GIPC3: variants seen among roughly 807,000 people sequenced by gnomAD.
GIPC3 encodes the protein GIPC PDZ domain containing family member 3.
A neutral mutation model predicts 27.3 loss-of-function variants in GIPC3; 16 were observed. That is an observed-to-expected ratio of 0.59 (90% CI 0.40 to 0.89). The LOEUF is 0.89. Among genes scored for constraint, GIPC3 ranks in the 40% least tolerant of loss-of-function variants. GIPC3 has a pLI of 0.00. For synonymous variants in GIPC3, 194 were observed against 184.6 expected, an observed-to-expected ratio of 1.05 and a Z score of -0.41; for missense variants, 440 against 442.1, an observed-to-expected ratio of 1.00 and a Z score of 0.04.
chr19:3,591,814 C>T lies in GIPC3; in HGVS notation c.*1624C>T. ...ATTCAGACCAGCTCTGGAACCCCAT[C>T]CATCTTGGAAGCAAGACCCAGCTCC... On this transcript the variant is annotated 3_prime_UTR_variant, in exon 6 of 6. Transcript: ENST00000644452. 8.1e-7 allele frequency: 1 copy of T among 1,233,674 alleles called. No individual in the cohort carries two copies. The highest frequency in any genetic ancestry group is 4.2e-5 in the Admixed American group (1 of 23,726). The allele number at this position is 1,233,674 out of a possible 1,614,324, so 76.4% of individuals were successfully genotyped here. A position where few individuals can be genotyped will look rare whatever the true frequency, so the allele number is the denominator to read the frequency against.
At chr19:3,586,461 C>G (rs978479128) in intron 1 of GIPC3, 34 bp from the exon 2 acceptor site, 15 of 1,603,424 alleles carry the variant, frequency 9.4e-6, no homozygotes, top group Admixed American at 1.7e-5. Context: ...GATGCATGCC[C>G]TGGCTAACTC....
chr19:3,587,288 T>C (rs1458027885), intron 3 of GIPC3, among the ~76,000 whole-genome samples: 7 of 151,926 alleles, frequency 4.6e-5, no homozygotes, highest in Non-Finnish European at 8.8e-5. Flanking sequence ...GTTTGTTTGT[T>C]TGTTTGTTTT....
chr19:3,591,219 C>A lies in GIPC3; in HGVS notation c.*1029C>A. ...AACTCAGGCCACCTCTGAGGCCAAA[C>A]CCAGCTCTAGAACCCAGATAAGATC... On this transcript the variant is annotated 3_prime_UTR_variant, in exon 6 of 6. Coordinates refer to ENST00000644452, the MANE Select transcript of GIPC3 (RefSeq NM_133261.3). 4 of 1,232,964 alleles carry A rather than the reference C, an allele frequency of 3.2e-6. No homozygotes were observed. Among genetic ancestry groups the A allele is most frequent in the African/African-American group, 1.5e-5 (1 of 64,536 alleles). 76.4% of individuals were successfully genotyped at this position (1,232,964 alleles called of 1,614,324 possible).
intron 3 of GIPC3, among the ~76,000 whole-genome samples, chr19:3,588,831 C>A (rs947984673): frequency 6.6e-6 from 1 of 151,762 alleles, no homozygotes; most frequent in Non-Finnish European, 1.5e-5. Flanking sequence ...GTAATCCCAG[C>A]TACTCGAGAG....
Position 3,585,675 on chromosome 19 carries a change from G to A in GIPC3, c.78G>A (p.Glu26=). ...CTGCGCCCCCGCCCGCGCCCTCGGA[G>A]CCCCCGGCCGCGCCCCGCGCCCGCC... is the stretch of plus-strand genomic sequence containing the variant. The part of the protein sequence containing the change: ...RASAPPPAPS[E]PPAAPRARPR... Residue 26 remains glutamate, a synonymous_variant, in exon 1 of 6, where the codon GAG becomes GAA. Coordinates refer to ENST00000644452, the MANE Select transcript of GIPC3 (RefSeq NM_133261.3). The A allele has an allele frequency of 7.5e-7, 1 of 1,329,164 alleles. No individual in the cohort carries two copies. Among genetic ancestry groups the A allele is most frequent in the Non-Finnish European group, 9.7e-7 (1 of 1,033,244 alleles). 82.3% of individuals were successfully genotyped at this position (1,329,164 alleles called of 1,614,324 possible). A position where few individuals can be genotyped will look rare whatever the true frequency, so the allele number is the denominator to read the frequency against.
chr19:3,589,362 C>A, intron 3 of GIPC3, 81 bp from the exon 4 acceptor site: 1 of 994,812 alleles, frequency 1.0e-6, no homozygotes, highest in Non-Finnish European at 1.6e-6. Flanking sequence ...TCTAGAAAGG[C>A]TCGGCTGTTG....
Position 3,590,266 on chromosome 19 carries a change from C to G in GIPC3, c.*76C>G. On this transcript the variant is annotated 3_prime_UTR_variant, in exon 6 of 6. Transcript: ENST00000644452. ...CCCCGGCCCTGCTCCAGAACCCAGC[C>G]CAGATCGGAGGACAAGTTCCTCTCT... 2 of 1,520,688 alleles carry G rather than the reference C, an allele frequency of 1.3e-6. No homozygotes were observed. Among genetic ancestry groups the G allele is most frequent in the East Asian group, 4.9e-5 (2 of 40,604 alleles). 94.2% of individuals were successfully genotyped at this position (1,520,688 alleles called of 1,614,324 possible).
At chr19:3,586,776 G>A (rs761450311) in intron 2 of GIPC3, 38 bp from the exon 3 acceptor site, 2 of 1,612,672 alleles carry the variant, frequency 1.2e-6, no homozygotes, top group East Asian at 2.2e-5. Flanking sequence ...GAGGCGGGTG[G>A]CTGGGGTTGC....
chr19:3,590,998 C>T lies in GIPC3; in HGVS notation c.*808C>T. ...TCTAGAGTCCAGGCCAGCTCCGAGA[C>T]CAAGCCCAGCTCTAGAACCCAGATA... is the stretch of plus-strand genomic sequence containing the variant. On this transcript the variant is annotated 3_prime_UTR_variant, in exon 6 of 6. Coordinates refer to ENST00000644452, the MANE Select transcript of GIPC3 (RefSeq NM_133261.3). 8.1e-7 allele frequency: 1 copy of T among 1,233,702 alleles called. No individual in the cohort carries two copies. Among genetic ancestry groups the T allele is most frequent in the East Asian group, 3.2e-5 (1 of 31,742 alleles). 76.4% of individuals were successfully genotyped at this position (1,233,702 alleles called of 1,614,324 possible).
chr19:3,587,989 G>A (rs1280244249), intron 3 of GIPC3, among the ~76,000 whole-genome samples: 1 of 151,134 alleles, frequency 6.6e-6, no homozygotes, highest in Admixed American at 6.6e-5. Flanking sequence ...GCGCCTGGCC[G>A]TGCCAGCTAA....
Position 3,586,867 on chromosome 19 carries a change from C to T in GIPC3, c.465C>T (p.Asp155=), listed in dbSNP as rs2032376313. ...INRIEAVCVG[D]SIEAINDHSI... ...GGATCGAGGCAGTGTGCGTGGGTGACAGCATCGAAGCCATCAACGACCACT... is the reference window on the plus strand; with the variant it reads ...GGATCGAGGCAGTGTGCGTGGGTGATAGCATCGAAGCCATCAACGACCACT... Residue 155 remains aspartate, a synonymous_variant, in exon 3 of 6, where the codon GAC becomes GAT. Transcript: ENST00000644452. The T allele has an allele frequency of 6.2e-7, 1 of 1,613,568 alleles. No homozygotes were observed. Among genetic ancestry groups the T allele is most frequent in the Non-Finnish European group, 8.5e-7 (1 of 1,179,996 alleles).
In GIPC3 at chr19:3,593,501, C is replaced by T; in HGVS notation, c.*3311C>T. 2.4e-6 allele frequency: 1 copy of T among 408,206 alleles called. No individual in the cohort carries two copies. The allele number at this position is 408,206 out of a possible 1,614,324, so 25.3% of individuals were successfully genotyped here. On this transcript the variant is annotated 3_prime_UTR_variant, in exon 6 of 6. Transcript: ENST00000644452. ...GGAGACGGGTTGCACCGCATGTACC[C>T]TGAGGGCTCATGGTGAATAAAGGCA...
At chr19:3,587,269 T>TG (rs2032389581) in intron 3 of GIPC3, among the ~76,000 whole-genome samples, 1 of 150,204 alleles carries the variant, frequency 6.7e-6, no homozygotes, top group African/African-American at 2.5e-5. Flanking sequence ...GGGAGACTTG[T>TG]TTTTGTTTGT....
chr19:3,589,275 G>A (rs2032435260), intron 3 of GIPC3, among the ~76,000 whole-genome samples, 168 bp from the exon 4 acceptor site: 1 of 152,172 alleles, frequency 6.6e-6, no homozygotes, highest in Non-Finnish European at 1.5e-5. Flanking sequence ...TGCTGGGGAT[G>A]CGAAGTGTGG....
chr19:3,591,757 C>T lies in GIPC3; in HGVS notation c.*1567C>T, dbSNP rs1410928194. On this transcript the variant is annotated 3_prime_UTR_variant, in exon 6 of 6. Transcript: ENST00000644452. ...GAGACTGAGCCCAGCTCTAGAACCTCGCCTAGTGCTACAACCAGGCCCAAC... is the reference window on the plus strand; with the variant it reads ...GAGACTGAGCCCAGCTCTAGAACCTTGCCTAGTGCTACAACCAGGCCCAAC... The T allele has an allele frequency of 6.5e-6, 8 of 1,233,112 alleles. No homozygotes were observed. Among genetic ancestry groups the T allele is most frequent in the Admixed American group, 8.4e-5 (2 of 23,690 alleles). 76.4% of individuals were successfully genotyped at this position (1,233,112 alleles called of 1,614,324 possible).
At position 3,590,107 on chromosome 19, in the gene GIPC3, G is replaced by A. The variant is rs138339125; in HGVS notation, c.856G>A (p.Val286Ile). ...GGAGTTTGCACGCTGTTTAGACTCCGTCTTGGGCGAGTTCGCCTTCCCCGA... is the reference window on the plus strand; with the variant it reads ...GGAGTTTGCACGCTGTTTAGACTCCATCTTGGGCGAGTTCGCCTTCCCCGA... ...AQEFARCLDS[V>I]LGEFAFPDEF... Residue 286 changes from valine (V) to isoleucine (I), a missense_variant, in exon 6 of 6, where the codon GTC becomes ATC. Physicochemically the swap from Val to Ile is conservative, Grantham distance 29. Coordinates refer to ENST00000644452, the MANE Select transcript of GIPC3 (RefSeq NM_133261.3). 2,656 of 1,611,312 alleles carry A rather than the reference G, an allele frequency of 1.6e-3. 5 individuals carry two copies. Among genetic ancestry groups the A allele is most frequent in the Non-Finnish European group, 2.0e-3 (2,370 of 1,179,048 alleles).
In GIPC3 at chr19:3,585,641, C is replaced by G; in HGVS notation, c.44C>G (p.Pro15Arg). The change falls in exon 1 of 6, where the codon CCG becomes CGG. Residue 15 changes from proline to arginine, a missense_variant. By Grantham distance (103) the Pro-to-Arg change is moderately radical. Coordinates refer to ENST00000644452, the MANE Select transcript of GIPC3 (RefSeq NM_133261.3). ...CGGGAGGCCCGGGGGACCGAGACCCCGCGCGCGTCTGCGCCCCCGCCCGCG... is the reference window on the plus strand; with the variant it reads ...CGGGAGGCCCGGGGGACCGAGACCCGGCGCGCGTCTGCGCCCCCGCCCGCG... ...AAREARGTET[P>R]RASAPPPAPS... is the part of the protein sequence containing the mutation. The G allele has an allele frequency of 8.4e-7, 1 of 1,194,874 alleles. No homozygotes were observed. Among genetic ancestry groups the G allele is most frequent in the Non-Finnish European group, 1.0e-6 (1 of 966,744 alleles). 74.0% of individuals were successfully genotyped at this position (1,194,874 alleles called of 1,614,324 possible).
In GIPC3 at chr19:3,586,801, TG is replaced by T; in HGVS notation, c.412-11del. On this transcript the variant is annotated splice_polypyrimidine_tract_variant and intron_variant, in intron 2 of 5. Coordinates refer to ENST00000644452, the MANE Select transcript of GIPC3 (RefSeq NM_133261.3). ...GCTGGGGTTGCCCTGCCAGCGACGC[TG>T]GATCCCTGCAGAGAATCAAGGAAGG... 1 of 1,613,208 alleles carries T rather than the reference TG, an allele frequency of 6.2e-7. No individual in the cohort carries two copies. The highest frequency in any genetic ancestry group is 8.5e-7 in the Non-Finnish European group (1 of 1,179,914).
chr19:3,589,141 G>A (rs757166636), intron 3 of GIPC3, among the ~76,000 whole-genome samples: 1 of 152,098 alleles, frequency 6.6e-6, no homozygotes, highest in Admixed American at 6.6e-5. Flanking sequence ...CTACCACAAG[G>A]AGGGTCCCAA....
Sources: allele counts gnomAD v4.1 joint callset (sites outside exome capture counted in the v4.1 genomes callset), GRCh38; gene constraint gnomAD v4.1.1; transcripts MANE v1.5; gene names NCBI Gene and HGNC (gene_info 2026-07-23, HGNC 2026-07-21).